The following PCDH15 variants were observed in gnomAD, a reference collection of about 807,000 sequenced individuals.
PCDH15 encodes the protein protocadherin related 15, also known as protocadherin-15.
In PCDH15, 129 loss-of-function variants were observed where a neutral mutation model predicts 178.5. That is an observed-to-expected ratio of 0.72 (90% CI 0.63 to 0.84). The LOEUF (loss-of-function observed/expected upper bound fraction) is 0.84, where lower values mean the gene tolerates loss of function less well. PCDH15 is among the 40% of genes least tolerant of loss of function. The pLI, the probability that PCDH15 is intolerant of heterozygous loss-of-function variation, is 0.00. For missense variants in PCDH15, 2,230 were observed against 2,099.9 expected, an observed-to-expected ratio of 1.06 and a Z score of -1.21; for synonymous variants, 800 against 732.0, an observed-to-expected ratio of 1.09 and a Z score of -1.50.
chr10:55,607,104 TC>T (rs1175452017), intron 2 of PCDH15, among the ~76,000 whole-genome samples: 1 of 152,136 alleles, frequency 6.6e-6, no homozygotes, highest in African/African-American at 2.4e-5. Flanking sequence ...AACATACATT[TC>T]TCAAAAGAAG....
At chr10:54,480,292 G>C (rs4375355) in intron 3 of PCDH15, among the ~76,000 whole-genome samples, 49,463 of 151,920 alleles carry the variant, frequency 0.33, 8,705 homozygotes, top group Admixed American at 0.47. Context: ...AATTGGATCA[G>C]TAGGAGACAT....
chr10:54,731,761 G>C (rs12220919), intron 1 of PCDH15, among the ~76,000 whole-genome samples: 18,406 of 150,292 alleles, frequency 0.12, 1,259 homozygotes, highest in African/African-American at 0.17. Flanking sequence ...CTATCATGAA[G>C]ATAGGAATTT....
chr10:54,264,729 A>T (rs1057502166), intron 8 of PCDH15, among the ~76,000 whole-genome samples: 5 of 152,160 alleles, frequency 3.3e-5, no homozygotes, highest in African/African-American at 9.7e-5. Flanking sequence ...AATATTTTTT[A>T]AAAAGACAAA....
At chr10:54,377,349 A>G (rs1385511658) in intron 4 of PCDH15, among the ~76,000 whole-genome samples, 2 of 152,128 alleles carry the variant, frequency 1.3e-5, no homozygotes, top group East Asian at 3.9e-4. Flanking sequence ...GATTTACCTC[A>G]CTATTTGTCT....
chr10:55,019,357 G>T, intron 2 of PCDH15, among the ~76,000 whole-genome samples: 1 of 151,774 alleles, frequency 6.6e-6, no homozygotes, highest in East Asian at 1.9e-4. Flanking sequence ...TTGTTTGTTT[G>T]TTTTTAACAA....
At chr10:55,114,379 C>T (rs892153439) in intron 2 of PCDH15, among the ~76,000 whole-genome samples, 1 of 152,174 alleles carries the variant, frequency 6.6e-6, no homozygotes, top group African/African-American at 2.4e-5. Context: ...GCTAGATTTG[C>T]ATTCGGTTAC....
At chr10:55,385,694 TATATATATATATATATATATATATGC>T (rs1274586389) in intron 2 of PCDH15, among the ~76,000 whole-genome samples, 5 of 15,766 alleles carry the variant, frequency 3.2e-4, no homozygotes, top group African/African-American at 1.1e-3. Flanking sequence ...TTCCTCTGCC[TATATATATATATATATATATATATGC>T]ATATATATAT....
chr10:55,374,048 C>A (rs1395981117), intron 2 of PCDH15, among the ~76,000 whole-genome samples: 1 of 150,578 alleles, frequency 6.6e-6, no homozygotes, highest in Admixed American at 6.6e-5. Flanking sequence ...ATGTAACACA[C>A]CTGCACGTTC....
At chr10:54,594,951 A>C (rs1460067852) in intron 2 of PCDH15, among the ~76,000 whole-genome samples, 2 of 152,182 alleles carry the variant, frequency 1.3e-5, no homozygotes, top group African/African-American at 2.4e-5. Flanking sequence ...AAGAATGCTC[A>C]CAGAGGGTGC....
intron 3 of PCDH15, among the ~76,000 whole-genome samples, chr10:54,812,693 A>T (rs1247955964): frequency 6.6e-6 from 1 of 151,336 alleles, no homozygotes; most frequent in Admixed American, 6.6e-5. Context: ...TCTTGACCTC[A>T]TGATCCGCCT....
chr10:54,006,475 A>T (rs534142817), intron 20 of PCDH15, among the ~76,000 whole-genome samples: 37 of 152,288 alleles, frequency 2.4e-4, no homozygotes, highest in Middle Eastern at 3.4e-3. Context: ...TTACCTCCAT[A>T]CAATAGGTAT....
intron 25 of PCDH15, among the ~76,000 whole-genome samples, chr10:53,924,292 T>G (rs2084282227): frequency 6.6e-6 from 1 of 152,188 alleles, no homozygotes; most frequent in South Asian, 2.1e-4. Flanking sequence ...GCTGGCACCG[T>G]GGGCCCCAGG....
At chr10:55,462,233 T>C (rs1589048792) in intron 2 of PCDH15, among the ~76,000 whole-genome samples, 1 of 152,268 alleles carries the variant, frequency 6.6e-6, no homozygotes, top group East Asian at 1.9e-4. Context: ...GTCGTTACGA[T>C]GTATTCATTT....
In PCDH15 at chr10:53,866,755, C is replaced by T; in HGVS notation, c.3604G>A (p.Gly1202Arg). Residue 1202 changes from glycine (G) to arginine (R), a missense_variant, in exon 27 of 38, where the codon GGG (glycine) becomes AGG (arginine). Physicochemically the swap from Gly to Arg is moderately radical, Grantham distance 125. Transcript: ENST00000644397. The part of the protein sequence containing the change: ...KEGFVVETYT[G>R]LIKTAMLFHN... Reference sequence around the variant, plus strand: ...AAGAGCATAGCAGTTTTGATAAGCCCTGTATATGTTTCCACTACAAATCCT... The same window carrying T: ...AAGAGCATAGCAGTTTTGATAAGCCTTGTATATGTTTCCACTACAAATCCT... 6.2e-7 allele frequency: 1 copy of T among 1,613,234 alleles called. No individual in the cohort carries two copies. The highest frequency in any genetic ancestry group is 8.5e-7 in the Non-Finnish European group (1 of 1,179,372).
At chr10:54,807,088 A>G (rs1952791132) in intron 3 of PCDH15, among the ~76,000 whole-genome samples, 1 of 152,212 alleles carries the variant, frequency 6.6e-6, no homozygotes, top group Admixed American at 6.5e-5. Context: ...CTAGTGGCCC[A>G]GATAAAGGGA....
At chr10:55,136,075 C>T (rs911967683) in intron 2 of PCDH15, among the ~76,000 whole-genome samples, 1 of 152,038 alleles carries the variant, frequency 6.6e-6, no homozygotes, top group South Asian at 2.1e-4. Context: ...ACATTTGTAA[C>T]AACTATAGAG....
At chr10:54,572,139 A>T (rs2133596392) in intron 2 of PCDH15, among the ~76,000 whole-genome samples, 1 of 152,274 alleles carries the variant, frequency 6.6e-6, no homozygotes, top group African/African-American at 2.4e-5. Flanking sequence ...GGTATAATAA[A>T]TTTTACACCT....
intron 28 of PCDH15, among the ~76,000 whole-genome samples, chr10:53,841,992 A>T (rs2077682919): frequency 1.3e-5 from 2 of 150,472 alleles, no homozygotes; most frequent in Admixed American, 1.3e-4. Context: ...AAGATAATGG[A>T]TGTACTGAGA....
At chr10:55,463,959 A>AAG (rs1301659351) in intron 2 of PCDH15, among the ~76,000 whole-genome samples, 1 of 44,062 alleles carries the variant, frequency 2.3e-5, no homozygotes, top group Non-Finnish European at 3.7e-5. Context: ...GAAAGAAAGA[A>AAG]AGAAAGAAAG....
Sources: gnomAD v4.1 joint callset for allele counts (sites outside exome capture counted in the v4.1 genomes callset) on GRCh38, gnomAD v4.1.1 for gene constraint, MANE v1.5 for transcripts, NCBI Gene and HGNC (gene_info 2026-07-23, HGNC 2026-07-21) for gene names.